Variants in TDRD15 observed in about 807,000 individuals in gnomAD.
The protein encoded by TDRD15 is tudor domain-containing protein 15.
For synonymous variants in TDRD15, 503 were observed against 314.5 expected, an observed-to-expected ratio of 1.60 and a Z score of -6.34; for missense variants, 1,416 against 904.7, an observed-to-expected ratio of 1.57 and a Z score of -7.25.
intron 3 of TDRD15, among the ~76,000 whole-genome samples, chr2:21,135,163 TAA>T (rs1272146826): frequency 2.0e-5 from 3 of 146,680 alleles, no homozygotes; most frequent in Admixed American, 6.9e-5. Context: ...ATTTTATATA[TAA>T]GATATAATAA....
Position 21,141,879 on chromosome 2 carries a change from C to T in TDRD15, c.4412C>T (p.Ala1471Val), listed in dbSNP as rs1348846416. ...ATTAATGAACTACTGAAATGGAAAG[C>T]ATGTTCAAAACTGCAGAAGTCAGCA... Reference protein sequence around the residue: ...CVINELLKWKACSKLQKSALQ... With the variant: ...CVINELLKWKVCSKLQKSALQ... Residue 1471 changes from alanine to valine, a missense_variant, in exon 4 of 4, where the codon GCA (alanine) becomes GTA (valine). Ala to Val is a moderately conservative substitution (Grantham distance 64). Coordinates refer to ENST00000405799, the MANE Select transcript of TDRD15 (RefSeq NM_001306137.2). 1 of 715,348 alleles carries T rather than the reference C, an allele frequency of 1.4e-6. No homozygotes were observed. Among genetic ancestry groups the T allele is most frequent in the Non-Finnish European group, 2.6e-6 (1 of 383,654 alleles). 44.3% of individuals were successfully genotyped at this position (715,348 alleles called of 1,614,324 possible).
rs982371866 is a variant in TDRD15 at position 21,144,347 on chromosome 2, A to G, written c.*1075A>G. Among the ~76,000 whole-genome samples, 17 of 151,860 alleles carry G rather than the reference A, an allele frequency of 1.1e-4. No individual in the cohort carries two copies. The highest frequency in any genetic ancestry group is 4.1e-4 in the African/African-American group (17 of 41,398). The stretch of plus-strand genomic sequence containing the variant: ...CGGCAAATGTTTGTTTTGACTTTAT[A>G]AATAAAATGTATATTATTCCACATT... On this transcript the variant is annotated 3_prime_UTR_variant, in exon 4 of 4. Coordinates refer to ENST00000405799, the MANE Select transcript of TDRD15 (RefSeq NM_001306137.2).
At position 21,141,691 on chromosome 2, in the gene TDRD15, T is replaced by G; in HGVS notation, c.4224T>G (p.Ala1408=). 1.4e-6 allele frequency: 1 copy of G among 715,432 alleles called. No individual in the cohort carries two copies. The highest frequency in any genetic ancestry group is 2.0e-5 in the Admixed American group (1 of 49,896). 44.3% of individuals were successfully genotyped at this position (715,432 alleles called of 1,614,324 possible). A position where few individuals can be genotyped will look rare whatever the true frequency, so the allele number is the denominator to read the frequency against. Residue 1408 remains alanine, a synonymous_variant, in exon 4 of 4, where the codon GCT becomes GCG. Transcript: ENST00000405799. ...CTGTTCCTCAGCTAGGAATCCATGCTTTTCTTAGTGGAGTAAAATGGAATG... is the reference window on the plus strand; with the variant it reads ...CTGTTCCTCAGCTAGGAATCCATGCGTTTCTTAGTGGAGTAAAATGGAATG... ...FLTVPQLGIH[A]FLSGVKWNEP... is the part of the protein sequence containing the mutation.
chr2:21,130,524 T>C (rs909566329), intron 2 of TDRD15, among the ~76,000 whole-genome samples: 8 of 152,186 alleles, frequency 5.3e-5, no homozygotes, highest in Admixed American at 5.2e-4. Flanking sequence ...AGCTGAAAAA[T>C]CTGAAGTCGA....
chr2:21,126,485 G>C (rs999004842), intron 1 of TDRD15, among the ~76,000 whole-genome samples: 1 of 151,882 alleles, frequency 6.6e-6, no homozygotes, highest in African/African-American at 2.4e-5. Context: ...TCCTTCCTCA[G>C]GCTCCCGAGT....
rs1481283888 is a variant in TDRD15 at position 21,143,201 on chromosome 2, G to A, written c.5734G>A (p.Ala1912Thr). Residue 1912 changes from alanine (A) to threonine (T), a missense_variant, in exon 4 of 4, where the codon GCA becomes ACA. By Grantham distance (58) the Ala-to-Thr change is moderately conservative. Coordinates refer to ENST00000405799, the MANE Select transcript of TDRD15 (RefSeq NM_001306137.2). ...AGATATATTAGTTGCATCTGGTCTC[G>A]CAACTTATTCTAAAGATTCACCTCA... ...LADILVASGL[A>T]TYSKDSPHLD... 2.5e-5 allele frequency: 17 copies of A among 686,430 alleles called. No homozygotes were observed. The East Asian group carries it at 4.1e-4, about 17-fold the overall frequency. 42.5% of individuals were successfully genotyped at this position (686,430 alleles called of 1,614,324 possible).
At chr2:21,131,269 A>G (rs1267289088) in intron 2 of TDRD15, among the ~76,000 whole-genome samples, 1 of 152,222 alleles carries the variant, frequency 6.6e-6, no homozygotes, top group Non-Finnish European at 1.5e-5. Context: ...GTAATGTAAT[A>G]TGTCGACATA....
At position 21,138,269 on chromosome 2, in the gene TDRD15, G is replaced by C. The variant is rs533836466; in HGVS notation, c.802G>C (p.Glu268Gln). 29 of 716,228 alleles carry C rather than the reference G, an allele frequency of 4.0e-5. No homozygotes were observed. The African/African-American group carries it at 4.7e-4, about 12-fold the overall frequency. 44.4% of individuals were successfully genotyped at this position (716,228 alleles called of 1,614,324 possible). Reference protein sequence around the residue: ...CQLIKWTPELENLTAHMTLHY... With the variant: ...CQLIKWTPELQNLTAHMTLHY... Reference sequence around the variant, plus strand: ...GTTAATTAAATGGACTCCAGAGCTAGAAAACTTGACAGCACATATGACTTT... The same window carrying C: ...GTTAATTAAATGGACTCCAGAGCTACAAAACTTGACAGCACATATGACTTT... Residue 268 changes from glutamate (E) to glutamine (Q), a missense_variant, in exon 4 of 4, where the codon GAA becomes CAA. Transcript: ENST00000405799.
chr2:21,143,251 A>C lies in TDRD15; in HGVS notation c.5784A>C (p.Glu1928Asp), dbSNP rs1410406526. The C allele has an allele frequency of 4.0e-5, 24 of 606,486 alleles. No homozygotes were observed. Among genetic ancestry groups the C allele is most frequent in the Non-Finnish European group, 6.6e-5 (22 of 335,486 alleles). The allele number at this position is 606,486 out of a possible 1,614,324, so 37.6% of individuals were successfully genotyped here. Residue 1928 changes from glutamate (E) to aspartate (D), a missense_variant, in exon 4 of 4, where the codon GAA becomes GAC. Coordinates refer to ENST00000405799, the MANE Select transcript of TDRD15 (RefSeq NM_001306137.2). ...SPHLDAITAT[E>D]SAKNPI ...ATCTTGATGCAATTACTGCTACTGA[A>C]TCTGCTAAAAATCCAATATAAATTA...
chr2:21,140,780 A>G lies in TDRD15; in HGVS notation c.3313A>G (p.Arg1105Gly). 1 of 715,252 alleles carries G rather than the reference A, an allele frequency of 1.4e-6. No individual in the cohort carries two copies. The highest frequency in any genetic ancestry group is 2.6e-6 in the Non-Finnish European group (1 of 383,612). The allele number at this position is 715,252 out of a possible 1,614,324, so 44.3% of individuals were successfully genotyped here. A position where few individuals can be genotyped will look rare whatever the true frequency, so the allele number is the denominator to read the frequency against. Residue 1105 changes from arginine to glycine, a missense_variant, in exon 4 of 4, where the codon AGA (arginine) becomes GGA (glycine). Transcript: ENST00000405799. ...TTGGTTTAAAGACAATTTCTTGGGA[A>G]GATCATTAAAGGCGATAATATTGTC... is the stretch of plus-strand genomic sequence containing the variant. The part of the protein sequence containing the change: ...SSWFKDNFLG[R>G]SLKAIILSQE...
chr2:21,129,059 C>T (rs147122150), intron 2 of TDRD15, among the ~76,000 whole-genome samples: 145 of 152,222 alleles, frequency 9.5e-4, no homozygotes, highest in Non-Finnish European at 1.8e-3. Flanking sequence ...ACCTTAGCCT[C>T]CTAAGTAGCT....
intron 1 of TDRD15, among the ~76,000 whole-genome samples, chr2:21,126,028 G>A (rs1018534920): frequency 1.5e-4 from 23 of 152,034 alleles, no homozygotes; most frequent in African/African-American, 5.6e-4. Flanking sequence ...GTGTGTGTGT[G>A]TCTGTGTGTC....
At chr2:21,129,483 A>C (rs1042498091) in intron 2 of TDRD15, among the ~76,000 whole-genome samples, 1 of 152,134 alleles carries the variant, frequency 6.6e-6, no homozygotes, top group Non-Finnish European at 1.5e-5. Context: ...TTATATGCTT[A>C]TTGGCCTTTT....
rs1376426281 is a variant in TDRD15, at chr2:21,137,580, A to C, written c.113A>C (p.Glu38Ala). The change falls in exon 4 of 4, where the codon GAA becomes GCA. Residue 38 changes from glutamate (E) to alanine (A), a missense_variant. Glu to Ala is a moderately radical substitution (Grantham distance 107). Transcript: ENST00000405799. ...LVKFQGIKSN[E>A]CEFDYHVLQR... ...AAATTTCAAGGCATAAAGAGTAATG[A>C]ATGTGAGTTTGACTACCATGTATTG... The C allele has an allele frequency of 1.4e-6, 1 of 715,752 alleles. No individual in the cohort carries two copies. The allele number at this position is 715,752 out of a possible 1,614,324, so 44.3% of individuals were successfully genotyped here. A position where few individuals can be genotyped will look rare whatever the true frequency, so the allele number is the denominator to read the frequency against.
Position 21,137,935 on chromosome 2 carries a change from G to T in TDRD15, c.468G>T (p.Val156=), listed in dbSNP as rs771272526. 1.4e-6 allele frequency: 1 copy of T among 716,790 alleles called. No individual in the cohort carries two copies. The allele number at this position is 716,790 out of a possible 1,614,324, so 44.4% of individuals were successfully genotyped here. A position where few individuals can be genotyped will look rare whatever the true frequency, so the allele number is the denominator to read the frequency against. ...SLVGIQVKGY[V]QAILPLQMFL... is the part of the protein sequence containing the mutation. The stretch of plus-strand genomic sequence containing the variant: ...TAGGAATACAAGTGAAAGGTTATGT[G>T]CAAGCTATTTTACCTCTGCAAATGT... The change falls in exon 4 of 4, where the codon GTG becomes GTT. Residue 156 remains valine, a synonymous_variant. Transcript: ENST00000405799.
At position 21,141,112 on chromosome 2, in the gene TDRD15, T is replaced by C. The variant is rs1410248292; in HGVS notation, c.3645T>C (p.Tyr1215=). Reference sequence around the variant, plus strand: ...GGTTTTTGAAGCCATCAGTTTGTTATAAAATGGAACCTGTGTCAAAAAACA... The same window carrying C: ...GGTTTTTGAAGCCATCAGTTTGTTACAAAATGGAACCTGTGTCAAAAAACA... ...HARFLKPSVC[Y]KMEPVSKNKM... The change falls in exon 4 of 4, where the codon TAT becomes TAC. Residue 1215 remains tyrosine, a synonymous_variant. Transcript: ENST00000405799. 1.4e-6 allele frequency: 1 copy of C among 708,644 alleles called. No homozygotes were observed. The highest frequency in any genetic ancestry group is 2.1e-5 in the Admixed American group (1 of 48,030). 43.9% of individuals were successfully genotyped at this position (708,644 alleles called of 1,614,324 possible).
At chr2:21,134,472 G>A (rs1285557267) in intron 2 of TDRD15, among the ~76,000 whole-genome samples, 1 of 151,874 alleles carries the variant, frequency 6.6e-6, no homozygotes, top group Non-Finnish European at 1.5e-5. Flanking sequence ...CAGGTAGACT[G>A]TTCCATATTT....
intron 2 of TDRD15, among the ~76,000 whole-genome samples, chr2:21,130,487 G>T (rs1462881776): frequency 6.6e-6 from 1 of 152,028 alleles, no homozygotes; most frequent in Non-Finnish European, 1.5e-5. Flanking sequence ...ATTTCTATGG[G>T]GTTATATCCC....
chr2:21,139,003 G>T lies in TDRD15; in HGVS notation c.1536G>T (p.Met512Ile). ...NDHRNEFQEI[M>I]KNINKFYDLC... ...ATCGGAATGAATTTCAAGAAATAAT[G>T]AAAAACATAAACAAATTTTATGATT... The change falls in exon 4 of 4, where the codon ATG becomes ATT. Residue 512 changes from methionine (M) to isoleucine (I), a missense_variant. Coordinates refer to ENST00000405799, the MANE Select transcript of TDRD15 (RefSeq NM_001306137.2). The T allele has an allele frequency of 1.4e-6, 1 of 712,278 alleles. No individual in the cohort carries two copies. Among genetic ancestry groups the T allele is most frequent in the South Asian group, 1.5e-5 (1 of 66,622 alleles). 44.1% of individuals were successfully genotyped at this position (712,278 alleles called of 1,614,324 possible).
Sources: gnomAD v4.1 joint callset for allele counts (sites outside exome capture counted in the v4.1 genomes callset) on GRCh38, gnomAD v4.1.1 for gene constraint, MANE v1.5 for transcripts, NCBI Gene and HGNC (gene_info 2026-07-23, HGNC 2026-07-21) for gene names.